Variants in FAM135B observed in about 807,000 individuals in gnomAD.
FAM135B encodes protein FAM135B.
Under a neutral mutation model 127.7 loss-of-function variants are expected in FAM135B, and 43 were observed. The ratio of observed to expected loss-of-function variants is 0.34; its 90% CI spans 0.26 to 0.43. The LOEUF is 0.43. Among genes scored for constraint, FAM135B ranks in the 20% least tolerant of loss-of-function variants. The probability of loss-of-function intolerance (pLI) is 1.00; values close to 1 mark genes in which losing one functional copy is unlikely to be tolerated. For missense variants in FAM135B, 1,558 were observed against 1,725.6 expected (o/e 0.90, Z 1.72); for synonymous variants, 670 against 665.1 (o/e 1.01, Z -0.11).
At chr8:138,165,614 C>T (rs1018320540) in intron 12 of FAM135B, among the ~76,000 whole-genome samples, 5 of 152,054 alleles carry the variant, frequency 3.3e-5, no homozygotes, top group African/African-American at 1.2e-4. Context: ...ATTTCTTCTC[C>T]AACAGTTCAG....
At chr8:138,153,626 A>C (rs1818400120) in intron 12 of FAM135B, among the ~76,000 whole-genome samples, 1 of 152,322 alleles carries the variant, frequency 6.6e-6, no homozygotes, top group South Asian at 2.1e-4. Context: ...CAAACGGCAC[A>C]CCAGGAGATT....
At chr8:138,332,820 C>T (rs1014673247) in intron 2 of FAM135B, among the ~76,000 whole-genome samples, 1 of 152,060 alleles carries the variant, frequency 6.6e-6, no homozygotes, top group Non-Finnish European at 1.5e-5. Context: ...CAGCTGGCGG[C>T]GCTTTCTCAA....
chr8:138,228,248 A>C (rs2130165143), intron 7 of FAM135B, among the ~76,000 whole-genome samples: 1 of 145,910 alleles, frequency 6.9e-6, no homozygotes, highest in African/African-American at 2.4e-5. Context: ...ATCATGGGGT[A>C]ATATTTTTTT....
rs999246690 is a variant in FAM135B, at chr8:138,250,787, C to T, written c.542+54G>A. The T allele has an allele frequency of 5.6e-6, 9 of 1,595,636 alleles. No homozygotes were observed. In the African/African-American group the frequency reaches 6.7e-5, roughly 12 times the overall value. On this transcript the variant is annotated intron_variant, in intron 6 of 19. Coordinates refer to ENST00000395297, the MANE Select transcript of FAM135B (RefSeq NM_015912.4). The stretch of plus-strand genomic sequence containing the variant: ...TGGAAAACTCCCTGCCCCTCTACCA[C>T]ACCTGCAATGGAAGGTGGCTCCCAC...
At chr8:138,198,134 G>T (rs985167779) in intron 7 of FAM135B, among the ~76,000 whole-genome samples, 2 of 152,064 alleles carry the variant, frequency 1.3e-5, no homozygotes, top group African/African-American at 2.4e-5. Context: ...CACGGGGGCG[G>T]GGTTTTTCCA....
At chr8:138,337,913 A>G (rs1828733576) in intron 2 of FAM135B, among the ~76,000 whole-genome samples, 1 of 152,162 alleles carries the variant, frequency 6.6e-6, no homozygotes, top group South Asian at 2.1e-4. Context: ...AAACAGAGAT[A>G]TAGACCAATG....
At chr8:138,301,243 T>C (rs888148103) in intron 3 of FAM135B, among the ~76,000 whole-genome samples, 1 of 152,170 alleles carries the variant, frequency 6.6e-6, no homozygotes, top group African/African-American at 2.4e-5. Context: ...ATCCTAAATA[T>C]TTTCCATGAG....
chr8:138,335,992 G>C (rs1828551168), intron 2 of FAM135B, among the ~76,000 whole-genome samples: 1 of 152,094 alleles, frequency 6.6e-6, no homozygotes, highest in African/African-American at 2.4e-5. Context: ...TGAACAACCT[G>C]CTCCTGAATG....
chr8:138,436,307 C>T (rs922612156), intron 1 of FAM135B, among the ~76,000 whole-genome samples: 10 of 152,132 alleles, frequency 6.6e-5, no homozygotes, highest in African/African-American at 1.9e-4. Flanking sequence ...TATATGGTTA[C>T]TTCTTCCATT....
chr8:138,188,028 G>A (rs1301571173), intron 9 of FAM135B, among the ~76,000 whole-genome samples: 1 of 151,890 alleles, frequency 6.6e-6, no homozygotes, highest in Non-Finnish European at 1.5e-5. Context: ...ATGGTGTACA[G>A]GTGAGGACAC....
At chr8:138,338,421 C>A (rs1828780538) in intron 2 of FAM135B, among the ~76,000 whole-genome samples, 1 of 151,972 alleles carries the variant, frequency 6.6e-6, no homozygotes, top group Non-Finnish European at 1.5e-5. Context: ...AAGAAAAAAA[C>A]AAACAACCCC....
chr8:138,363,847 A>T (rs1366066579), intron 2 of FAM135B, among the ~76,000 whole-genome samples: 1 of 152,150 alleles, frequency 6.6e-6, no homozygotes, highest in African/African-American at 2.4e-5. Flanking sequence ...ATTTGGATGG[A>T]GGAGATATTT....
intron 1 of FAM135B, among the ~76,000 whole-genome samples, chr8:138,386,006 A>G (rs1832182550): frequency 6.6e-6 from 1 of 152,082 alleles, no homozygotes; most frequent in East Asian, 1.9e-4. Flanking sequence ...GGATCACCTG[A>G]GGTCAAGAGT....
intron 1 of FAM135B, among the ~76,000 whole-genome samples, chr8:138,478,684 A>T (rs1157433675): frequency 6.6e-6 from 1 of 152,226 alleles, no homozygotes; most frequent in Non-Finnish European, 1.5e-5. Context: ...GCACTAGGTT[A>T]GCCACATAAG....
intron 1 of FAM135B, among the ~76,000 whole-genome samples, chr8:138,453,839 G>A (rs1028842991): frequency 1.3e-5 from 2 of 152,176 alleles, no homozygotes; most frequent in African/African-American, 2.4e-5. Context: ...GCATAGTGAA[G>A]ATAATAATAG....
chr8:138,195,446 T>C, intron 8 of FAM135B, 139 bp from the exon 9 acceptor site: 1 of 755,064 alleles, frequency 1.3e-6, no homozygotes, highest in Non-Finnish European at 2.2e-6. Context: ...CTTCTACCTA[T>C]TCTAACTTCC....
Position 138,302,041 on chromosome 8 carries a change from A to G in FAM135B, c.157+8800T>C, listed in dbSNP as rs540021077. Among the ~76,000 whole-genome samples the G allele has an allele frequency of 2.6e-5, 4 of 152,226 alleles. No homozygotes were observed. The East Asian group carries it at 5.8e-4, about 22-fold the overall frequency. On this transcript the variant is annotated intron_variant, in intron 3 of 19. Coordinates refer to ENST00000395297, the MANE Select transcript of FAM135B (RefSeq NM_015912.4). ...CAACTTCCCCACCTTCTGTTATAAAACTAAAATAGCCAGTGTTGATGAGGG... is the reference window on the plus strand; with the variant it reads ...CAACTTCCCCACCTTCTGTTATAAAGCTAAAATAGCCAGTGTTGATGAGGG...
chr8:138,221,985 A>G (rs1819054992), intron 7 of FAM135B, among the ~76,000 whole-genome samples: 1 of 152,236 alleles, frequency 6.6e-6, no homozygotes. Flanking sequence ...AGAAAAATCA[A>G]TCAGTAGAAA....
intron 1 of FAM135B, among the ~76,000 whole-genome samples, chr8:138,488,222 T>G (rs917568584): frequency 2.5e-4 from 38 of 152,302 alleles, no homozygotes; most frequent in African/African-American, 8.9e-4. Flanking sequence ...ATTGATGATT[T>G]CTGCATGTAT....
Sources: allele counts gnomAD v4.1 joint callset (sites outside exome capture counted in the v4.1 genomes callset), GRCh38; gene constraint gnomAD v4.1.1; transcripts MANE v1.5; gene names NCBI Gene and HGNC (gene_info 2026-07-23, HGNC 2026-07-21).